LEF1: variants seen among roughly 807,000 people sequenced by gnomAD.
LEF1 encodes the protein lymphoid enhancer-binding factor 1.
LEF1 carries 14 observed loss-of-function variants against 51.2 expected under a neutral mutation model. The ratio of observed to expected loss-of-function variants is 0.27; its 90% CI spans 0.18 to 0.43. The LOEUF (loss-of-function observed/expected upper bound fraction) is 0.43, where lower values mean the gene tolerates loss of function less well. LEF1 is among the 20% of genes least tolerant of loss of function. The pLI is 1.00. For missense variants in LEF1, 386 were observed against 512.0 expected (o/e 0.75, Z 2.37); for synonymous variants, 185 against 183.2 (o/e 1.01, Z -0.08).
At chr4:108,120,450 C>A (rs1167270239) in intron 3 of LEF1, among the ~76,000 whole-genome samples, 1 of 152,148 alleles carries the variant, frequency 6.6e-6, no homozygotes, top group Non-Finnish European at 1.5e-5. Flanking sequence ...TAGCCTCACA[C>A]AGATATATAA....
intron 3 of LEF1, among the ~76,000 whole-genome samples, chr4:108,126,661 G>C (rs145529073): frequency 6.6e-6 from 1 of 151,650 alleles, no homozygotes; most frequent in Non-Finnish European, 1.5e-5. Flanking sequence ...AAAATTAGCC[G>C]GGCATGATGG....
intron 3 of LEF1, among the ~76,000 whole-genome samples, chr4:108,136,487 T>G (rs1397590023): frequency 1.3e-5 from 2 of 151,234 alleles, no homozygotes; most frequent in African/African-American, 4.9e-5. Flanking sequence ...TTTTTTAAAC[T>G]TTAGATGCTT....
At position 108,117,350 on chromosome 4, in the gene LEF1, G is replaced by A. The variant is rs78081364; in HGVS notation, c.415-28093C>T. On this transcript the variant is annotated intron_variant, in intron 3 of 11. Coordinates refer to ENST00000265165, the MANE Select transcript of LEF1 (RefSeq NM_016269.5). ...TTAACAGAATTTTTAATGGTTGCAC[G>A]GTTTAACTATAGTGTAATTTACCAC... 1.7e-4 allele frequency among the ~76,000 whole-genome samples: 26 copies of A among 152,144 alleles called. No individual in the cohort carries two copies. The East Asian group carries it at 4.1e-3, about 24-fold the overall frequency.
Position 108,167,413 on chromosome 4 carries a change from G to A in LEF1, c.213+142C>T. The A allele has an allele frequency of 1.4e-6, 1 of 701,258 alleles. No individual in the cohort carries two copies. Among genetic ancestry groups the A allele is most frequent in the South Asian group, 1.8e-5 (1 of 56,724 alleles). The allele number at this position is 701,258 out of a possible 1,614,324, so 43.4% of individuals were successfully genotyped here. A position where few individuals can be genotyped will look rare whatever the true frequency, so the allele number is the denominator to read the frequency against. ...ACACACACTGCGGACCGGGGGCCCA[G>A]CTACGCACACACCCCAAAACAAACG... On this transcript the variant is annotated intron_variant, in intron 1 of 11. Transcript: ENST00000265165. This position sits in a 1 kb window ranked among gnomAD's most constrained non-coding sequence, Gnocchi z 5.7.
chr4:108,076,855 T>C (rs1388049582), intron 8 of LEF1, among the ~76,000 whole-genome samples: 1 of 150,992 alleles, frequency 6.6e-6, no homozygotes. Context: ...ACCCTGTCTC[T>C]ACTGAAAAAA....
chr4:108,066,595 G>A (rs1053274055), intron 9 of LEF1, among the ~76,000 whole-genome samples: 3 of 152,138 alleles, frequency 2.0e-5, no homozygotes, highest in Admixed American at 6.5e-5. Context: ...GCACCGTTAC[G>A]CTTCTACCGC....
At chr4:108,121,687 G>A (rs1426503301) in intron 3 of LEF1, among the ~76,000 whole-genome samples, 2 of 152,192 alleles carry the variant, frequency 1.3e-5, no homozygotes, top group Non-Finnish European at 2.9e-5. Flanking sequence ...CCAAAGGACT[G>A]CTAGCAGCAA....
intron 3 of LEF1, among the ~76,000 whole-genome samples, chr4:108,113,096 G>T (rs1047953284): frequency 6.6e-6 from 1 of 152,114 alleles, no homozygotes; most frequent in African/African-American, 2.4e-5. Flanking sequence ...AAACAGACAG[G>T]GTGTGTTTTT....
intron 1 of LEF1, chr4:108,166,411 C>G: frequency 1.4e-6 from 2 of 1,421,206 alleles, no homozygotes; most frequent in Non-Finnish European, 1.8e-6. Flanking sequence ...AAGGTATATC[C>G]TCCAAGTTTC....
intron 3 of LEF1, among the ~76,000 whole-genome samples, chr4:108,159,623 A>G (rs888157142): frequency 6.6e-6 from 1 of 152,246 alleles, no homozygotes; most frequent in Non-Finnish European, 1.5e-5. Flanking sequence ...AGTCCAACTT[A>G]GTTCCTTAAT....
At chr4:108,048,846 C>T in intron 11 of LEF1, 95 bp from the exon 12 acceptor site, 2 of 767,610 alleles carry the variant, frequency 2.6e-6, no homozygotes, top group Non-Finnish European at 3.8e-6. Context: ...CTTACAACCT[C>T]TGCATTTAAT....
chr4:108,080,155 A>G (rs930893613), intron 6 of LEF1, among the ~76,000 whole-genome samples: 1 of 152,234 alleles, frequency 6.6e-6, no homozygotes, highest in African/African-American at 2.4e-5. Context: ...TGGTAACAGA[A>G]ATAAGGAGAA....
intron 3 of LEF1, among the ~76,000 whole-genome samples, chr4:108,131,360 G>A (rs1409156618): frequency 6.6e-6 from 1 of 151,194 alleles, no homozygotes; most frequent in Non-Finnish European, 1.5e-5. Context: ...TCCAGCCTGG[G>A]TGAGGTGACA....
In LEF1 at chr4:108,053,083, C is replaced by T. The variant is rs113424219; in HGVS notation, c.*7-4332G>A. Among the ~76,000 whole-genome samples the T allele has an allele frequency of 1.2e-3, 176 of 152,326 alleles. 1 individual carries two copies. Among genetic ancestry groups the T allele is most frequent in the Non-Finnish European group, 2.1e-3 (140 of 68,030 alleles). ...CACTTTCTTCTCTCCTTCCTACCTT[C>T]CATCATTCTGTCTGTCCATCCCCAG... On this transcript the variant is annotated intron_variant, in intron 11 of 11. Transcript: ENST00000265165.
intron 11 of LEF1, among the ~76,000 whole-genome samples, chr4:108,057,588 T>C (rs925029678): frequency 6.6e-6 from 1 of 152,194 alleles, no homozygotes; most frequent in African/African-American, 2.4e-5. Context: ...GTCCTCTCAC[T>C]GGTGCTTCTA....
At chr4:108,048,950 T>A (rs561267830) in intron 11 of LEF1, among the ~76,000 whole-genome samples, 199 bp from the exon 12 acceptor site, 3 of 152,356 alleles carry the variant, frequency 2.0e-5, no homozygotes, top group Non-Finnish European at 4.4e-5. Flanking sequence ...TAGTGACATT[T>A]TTACTTTGGT....
At chr4:108,134,156 C>T (rs910796939) in intron 3 of LEF1, among the ~76,000 whole-genome samples, 1 of 63,964 alleles carries the variant, frequency 1.6e-5, no homozygotes, top group Non-Finnish European at 3.3e-5. Flanking sequence ...GATTTTGCCA[C>T]CAAATTTACC....
At chr4:108,096,698 G>A (rs1391042655) in intron 3 of LEF1, among the ~76,000 whole-genome samples, 1 of 152,172 alleles carries the variant, frequency 6.6e-6, no homozygotes, top group Non-Finnish European at 1.5e-5. Context: ...CATCTGACAA[G>A]GGATTAATAA....
At chr4:108,082,600 T>C (rs978873392) in intron 5 of LEF1, among the ~76,000 whole-genome samples, 4 of 152,050 alleles carry the variant, frequency 2.6e-5, no homozygotes, top group Admixed American at 2.6e-4. Flanking sequence ...GAATTATTTC[T>C]ATGGAGGGAG....
Sources: gnomAD v4.1 joint callset for allele counts (sites outside exome capture counted in the v4.1 genomes callset) on GRCh38, gnomAD v4.1.1 for gene constraint, Gnocchi (gnomAD v3.1) non-coding constraint, MANE v1.5 for transcripts, NCBI Gene and HGNC (gene_info 2026-07-23, HGNC 2026-07-21) for gene names.